The following LYRM9 variants were observed in gnomAD, a reference collection of about 807,000 sequenced individuals.
The protein encoded by LYRM9 is LYR motif-containing protein 9.
LYRM9 carries 14 observed loss-of-function variants against 12.6 expected under a neutral mutation model. The observed-to-expected ratio is 1.11, with a 90% CI of 0.73 to 1.73. The LOEUF (loss-of-function observed/expected upper bound fraction) is 1.73, where lower values mean the gene tolerates loss of function less well. Among genes scored for constraint, LYRM9 ranks in the 40% most tolerant of loss-of-function variants. The pLI, the probability that LYRM9 is intolerant of heterozygous loss-of-function variation, is 0.00. For synonymous variants in LYRM9, 42 were observed against 35.1 expected, an observed-to-expected ratio of 1.20 and a Z score of -0.69; for missense variants, 94 against 95.0, an observed-to-expected ratio of 0.99 and a Z score of 0.04.
chr17:27,888,017 C>T (rs1012421283), intron 1 of LYRM9, among the ~76,000 whole-genome samples: 1 of 152,184 alleles, frequency 6.6e-6, no homozygotes, highest in Non-Finnish European at 1.5e-5. Flanking sequence ...GTGTGCTTTA[C>T]TCCATCGAAC....
At chr17:27,883,685 A>C (rs1481902894) in intron 1 of LYRM9, among the ~76,000 whole-genome samples, 1 of 151,582 alleles carries the variant, frequency 6.6e-6, no homozygotes, top group Non-Finnish European at 1.5e-5. Context: ...CACAATGAGC[A>C]CTTGTTTGTC....
intron 1 of LYRM9, among the ~76,000 whole-genome samples, chr17:27,891,261 C>T (rs1567666616): frequency 6.6e-6 from 1 of 152,194 alleles, no homozygotes; most frequent in African/African-American, 2.4e-5. Context: ...TAGCCACAGA[C>T]TGAACTTGGA....
chr17:27,879,721 T>A (rs3751973), intron 3 of LYRM9: 45,573 of 554,954 alleles, frequency 0.082, 2,198 homozygotes, highest in South Asian at 0.16. Context: ...GGGAGGATAG[T>A]GATAACTCAC....
chr17:27,882,211 T>C (rs932854136), intron 2 of LYRM9, among the ~76,000 whole-genome samples: 7 of 152,336 alleles, frequency 4.6e-5, no homozygotes, highest in Non-Finnish European at 8.8e-5. Context: ...CTATTAGTTA[T>C]GTGGTAGATG....
At chr17:27,882,447 C>T (rs1905091117) in intron 2 of LYRM9, 122 bp downstream of exon 2, 4 of 1,331,678 alleles carry the variant, frequency 3.0e-6, no homozygotes, top group Non-Finnish European at 3.9e-6. Flanking sequence ...TGTGGCTCTT[C>T]CCACACTGCC....
chr17:27,883,527 G>A (rs536299138), intron 1 of LYRM9, among the ~76,000 whole-genome samples: 2 of 152,010 alleles, frequency 1.3e-5, no homozygotes, highest in South Asian at 2.1e-4. Context: ...GTGCATGCCT[G>A]TAATCCCAGC....
chr17:27,893,143 A>C (rs1905515530), intron 1 of LYRM9, 174 bp downstream of exon 1: 2 of 152,334 alleles, frequency 1.3e-5, no homozygotes, highest in Non-Finnish European at 2.9e-5. Context: ...TCTCCGGTGG[A>C]AGAGCGCAGA....
intron 3 of LYRM9, chr17:27,879,985 CT>C: frequency 1.6e-6 from 1 of 642,066 alleles, no homozygotes; most frequent in Non-Finnish European, 2.8e-6. Flanking sequence ...GGCACTATAG[CT>C]TTCCCTCCTT....
rs928218158 is a variant in LYRM9, at chr17:27,886,879, C to T, written c.-18-4167G>A. Among the ~76,000 whole-genome samples, 1 of 151,840 alleles carries T rather than the reference C, an allele frequency of 6.6e-6. No individual in the cohort carries two copies. The highest frequency in any genetic ancestry group is 1.5e-5 in the Non-Finnish European group (1 of 67,974). The stretch of plus-strand genomic sequence containing the variant: ...CAGGCTGGTCTCAAACTCCCGACCT[C>T]AGGTGATCCACCCACCTTGGCCTCC... On this transcript the variant is annotated intron_variant, in intron 1 of 3. Coordinates refer to ENST00000379102, the MANE Select transcript of LYRM9 (RefSeq NM_001076680.3). This position sits in a 1 kb window ranked among gnomAD's most constrained non-coding sequence, Gnocchi z 4.8.
intron 2 of LYRM9, among the ~76,000 whole-genome samples, chr17:27,881,839 ACT>A (rs1905069934): frequency 6.6e-6 from 1 of 151,236 alleles, no homozygotes. Context: ...GCAGGGTCTC[ACT>A]CTGTCACCCA....
intron 1 of LYRM9, among the ~76,000 whole-genome samples, chr17:27,891,694 C>T (rs1243784761): frequency 2.0e-5 from 3 of 152,162 alleles, no homozygotes; most frequent in Non-Finnish European, 4.4e-5. Flanking sequence ...ATCGATGTGA[C>T]AGAACTTAGA....
At chr17:27,885,636 G>A (rs1299195065) in intron 1 of LYRM9, among the ~76,000 whole-genome samples, 2 of 138,346 alleles carry the variant, frequency 1.4e-5, no homozygotes, top group African/African-American at 2.8e-5. Context: ...CTTCAGCCTC[G>A]ACTGCAGTGA....
Position 27,879,377 on chromosome 17 carries a change from A to T in LYRM9, c.*96T>A. 8 of 1,376,478 alleles carry T rather than the reference A, an allele frequency of 5.8e-6. No individual in the cohort carries two copies. Among genetic ancestry groups the T allele is most frequent in the Non-Finnish European group, 7.8e-6 (8 of 1,021,428 alleles). The allele number at this position is 1,376,478 out of a possible 1,614,324, so 85.3% of individuals were successfully genotyped here. ...CCCTGATTTCTGGCTTTCAGCCAAC[A>T]AGGCCAATGGCTCTTCCAAACCAGC... On this transcript the variant is annotated 3_prime_UTR_variant, in exon 4 of 4. Transcript: ENST00000379102.
Position 27,879,600 on chromosome 17 carries a change from C to A in LYRM9, c.220-110G>T, listed in dbSNP as rs1004043387. The A allele has an allele frequency of 4.0e-6, 5 of 1,240,782 alleles. No homozygotes were observed. In the African/African-American group the frequency reaches 7.7e-5, roughly 19 times the overall value. The allele number at this position is 1,240,782 out of a possible 1,614,324, so 76.9% of individuals were successfully genotyped here. ...GGACCTCACCTGCCTCCTGCAGGGG[C>A]TTCTTGGAGGTGGTGAAACCCAAGC... On this transcript the variant is annotated intron_variant, in intron 3 of 3. Coordinates refer to ENST00000379102, the MANE Select transcript of LYRM9 (RefSeq NM_001076680.3).
chr17:27,883,122 G>A (rs1161987521), intron 1 of LYRM9: 4 of 420,870 alleles, frequency 9.5e-6, no homozygotes, highest in Non-Finnish European at 2.0e-5. Context: ...AATGCCTACA[G>A]GCCTGAGCCT....
chr17:27,881,462 A>G (rs1449192715), intron 2 of LYRM9, among the ~76,000 whole-genome samples: 1 of 147,296 alleles, frequency 6.8e-6, no homozygotes, highest in Non-Finnish European at 1.5e-5. Context: ...TACTTTCCAT[A>G]TTATATGTGT....
chr17:27,886,821 T>C lies in LYRM9; in HGVS notation c.-18-4109A>G, dbSNP rs1287209596. 6.6e-6 allele frequency among the ~76,000 whole-genome samples: 1 copy of C among 151,968 alleles called. No homozygotes were observed. The highest frequency in any genetic ancestry group is 2.4e-5 in the African/African-American group (1 of 41,356). On this transcript the variant is annotated intron_variant, in intron 1 of 3. Transcript: ENST00000379102. This position sits in a 1 kb window ranked among gnomAD's most constrained non-coding sequence, Gnocchi z 4.8. ...CCACCACACCCAGCTAATTTTCGTATTTTTAGTAGAGATGGGGTTTCTCCC... is the reference window on the plus strand; with the variant it reads ...CCACCACACCCAGCTAATTTTCGTACTTTTAGTAGAGATGGGGTTTCTCCC...
chr17:27,879,548 T>G, intron 3 of LYRM9, 58 bp from the exon 4 acceptor site: 1 of 1,535,116 alleles, frequency 6.5e-7, no homozygotes, highest in Non-Finnish European at 8.8e-7. Context: ...AGGAGGACTC[T>G]GGAGAAATCT....
At chr17:27,890,932 C>G (rs1010413461) in intron 1 of LYRM9, among the ~76,000 whole-genome samples, 6 of 151,912 alleles carry the variant, frequency 3.9e-5, no homozygotes, top group Non-Finnish European at 7.4e-5. Context: ...CCTGCCTCCC[C>G]CAGTCCCTCT....
Sources: gnomAD v4.1 joint callset for allele counts (sites outside exome capture counted in the v4.1 genomes callset) on GRCh38, gnomAD v4.1.1 for gene constraint, Gnocchi (gnomAD v3.1) non-coding constraint, MANE v1.5 for transcripts, NCBI Gene and HGNC (gene_info 2026-07-23, HGNC 2026-07-21) for gene names.